CLIP2: variants seen among roughly 807,000 people sequenced by gnomAD.
CLIP2 encodes CAP-Gly domain containing linker protein 2, also known as CAP-Gly domain-containing linker protein 2.
Under a neutral mutation model 111.7 loss-of-function variants are expected in CLIP2, and 41 were observed. The observed-to-expected ratio is 0.37, with a 90% confidence interval of 0.29 to 0.48. The LOEUF is 0.48. Ranked by LOEUF, CLIP2 falls within the 20% of genes least tolerant of loss-of-function variation. The pLI is 0.99. For missense variants in CLIP2, 1,160 were observed against 1,422.1 expected, an observed-to-expected ratio of 0.82 and a Z score of 2.96; for synonymous variants, 660 against 644.2, an observed-to-expected ratio of 1.02 and a Z score of -0.37.
chr7:74,320,955 C>G (rs1199736030), intron 2 of CLIP2, among the ~76,000 whole-genome samples: 11 of 151,478 alleles, frequency 7.3e-5, no homozygotes, highest in African/African-American at 2.7e-4. Context: ...TGGCGTGCAG[C>G]GAGAGAGTCT....
chr7:74,342,139 G>A (rs1554305476), intron 3 of CLIP2, among the ~76,000 whole-genome samples: 1 of 152,150 alleles, frequency 6.6e-6, no homozygotes, highest in African/African-American at 2.4e-5. Context: ...ACTTTGGGAG[G>A]CTGAGGCAGG....
rs781898485 is a variant in CLIP2, at chr7:74,371,243, CAAAAAAA to C, written c.1381-1672_1381-1666del. On this transcript the variant is annotated intron_variant, in intron 8 of 16. Coordinates refer to ENST00000223398, the MANE Select transcript of CLIP2 (RefSeq NM_003388.5). ...TGGGTGAAAGAGGGAAACTATGCCT[CAAAAAAA>C]AAAAAAAAAAAAAAAAGGTTGAGGG... 1.4e-3 allele frequency among the ~76,000 whole-genome samples: 88 copies of C among 61,618 alleles called. 1 individual carries two copies. The highest frequency in any genetic ancestry group is 2.1e-3 in the Non-Finnish European group (73 of 35,076). The allele number at this position is 61,618 out of a possible 152,430, so 40.4% of individuals were successfully genotyped here.
At chr7:74,390,162 GAA>G (rs1791241530) in intron 13 of CLIP2, among the ~76,000 whole-genome samples, 1 of 84,918 alleles carries the variant, frequency 1.2e-5, no homozygotes, top group African/African-American at 4.3e-5. Flanking sequence ...AAGAAAGAAA[GAA>G]GAAAGAAAGA....
intron 13 of CLIP2, 88 bp from the exon 14 acceptor site, chr7:74,396,986 G>A (rs1791468010): frequency 1.3e-6 from 2 of 1,526,160 alleles, no homozygotes; most frequent in Admixed American, 1.8e-5. Context: ...CAGTTGGTCA[G>A]CCCCTGGACA....
At chr7:74,317,001 T>A (rs1369906035) in intron 1 of CLIP2, among the ~76,000 whole-genome samples, 1 of 152,228 alleles carries the variant, frequency 6.6e-6, no homozygotes, top group African/African-American at 2.4e-5. Flanking sequence ...AGCCTCAGCC[T>A]CCCAGAGTGC....
chr7:74,376,028 C>T lies in CLIP2; in HGVS notation c.1627C>T (p.Leu543=). The change falls in exon 10 of 17, where the codon CTG becomes TTG. Residue 543 remains leucine (L), a synonymous_variant. Transcript: ENST00000223398. The surrounding 1 kb of genome is among the most constrained non-coding windows in gnomAD (Gnocchi z 7.1). Reference sequence around the variant, plus strand: ...GGACCACCCAGACGCCGCCGAGATCCTGCGGCTACGGGAGCGGCTGCTCTC... The same window carrying T: ...GGACCACCCAGACGCCGCCGAGATCTTGCGGCTACGGGAGCGGCTGCTCTC... ...PPDHPDAAEI[L]RLRERLLSAS... 6.2e-7 allele frequency: 1 copy of T among 1,613,076 alleles called. No individual in the cohort carries two copies. The highest frequency in any genetic ancestry group is 1.1e-5 in the South Asian group (1 of 91,052).
intron 2 of CLIP2, among the ~76,000 whole-genome samples, chr7:74,325,319 GT>G (rs2116521876): frequency 6.6e-6 from 1 of 152,272 alleles, no homozygotes; most frequent in South Asian, 2.1e-4. Flanking sequence ...CAGGAGGGCG[GT>G]TTGGGATCCA....
At chr7:74,294,690 G>A (rs1788122133) in intron 1 of CLIP2, among the ~76,000 whole-genome samples, 1 of 152,182 alleles carries the variant, frequency 6.6e-6, no homozygotes, top group African/African-American at 2.4e-5. Context: ...TTTTGGGGGT[G>A]CTCCAGCCCC....
chr7:74,352,836 C>G (rs1288248606), intron 3 of CLIP2, among the ~76,000 whole-genome samples: 1 of 152,020 alleles, frequency 6.6e-6, no homozygotes, highest in Non-Finnish European at 1.5e-5. Flanking sequence ...TATCAAGACC[C>G]TGTGTCTACA....
chr7:74,380,651 C>T (rs530794232), intron 10 of CLIP2, 155 bp from the exon 11 acceptor site: 88 of 591,604 alleles, frequency 1.5e-4, no homozygotes, highest in African/African-American at 1.4e-3. Context: ...AGGACGTCTG[C>T]ACTCCCTGCC....
intron 1 of CLIP2, among the ~76,000 whole-genome samples, chr7:74,295,833 C>T (rs1788150456): frequency 6.6e-6 from 1 of 151,876 alleles, no homozygotes; most frequent in South Asian, 2.1e-4. Flanking sequence ...AGCCAGACTT[C>T]ATCTCTACAG....
At chr7:74,374,091 G>A (rs548000530) in intron 9 of CLIP2, among the ~76,000 whole-genome samples, 123 of 152,154 alleles carry the variant, frequency 8.1e-4, no homozygotes, top group African/African-American at 2.6e-3. Flanking sequence ...ACAGCCAGCC[G>A]GCCCCCCAGC....
At chr7:74,388,232 T>C (rs1413999952) in intron 12 of CLIP2, among the ~76,000 whole-genome samples, 1 of 152,010 alleles carries the variant, frequency 6.6e-6, no homozygotes, top group Admixed American at 6.6e-5. Context: ...CTCAGGAGGT[T>C]GAGGCAGGAG....
At chr7:74,361,209 C>CCTTCCTTCCTTCCT (rs1584360324) in intron 7 of CLIP2, among the ~76,000 whole-genome samples, 3 of 19,584 alleles carry the variant, frequency 1.5e-4, no homozygotes, top group African/African-American at 5.4e-4. Context: ...CCTTCCTTCC[C>CCTTCCTTCCTTCCT]TCCCTCCCTC....
At chr7:74,294,184 A>G (rs1470932344) in intron 1 of CLIP2, among the ~76,000 whole-genome samples, 1 of 152,128 alleles carries the variant, frequency 6.6e-6, no homozygotes, top group Non-Finnish European at 1.5e-5. Context: ...CCCAAAAGAT[A>G]AGGAGTTCAA....
chr7:74,331,286 G>A (rs1286189710), intron 2 of CLIP2, among the ~76,000 whole-genome samples: 7 of 150,300 alleles, frequency 4.7e-5, no homozygotes, highest in African/African-American at 1.5e-4. Flanking sequence ...AATTAGGAGT[G>A]ATTTCTTCCG....
intron 10 of CLIP2, among the ~76,000 whole-genome samples, chr7:74,377,414 G>T (rs1790824069): frequency 6.6e-6 from 1 of 152,188 alleles, no homozygotes; most frequent in Non-Finnish European, 1.5e-5. Flanking sequence ...TGTCAATTTT[G>T]CTCCAAATCT....
intron 2 of CLIP2, among the ~76,000 whole-genome samples, chr7:74,335,094 G>A (rs797038358): frequency 5.3e-5 from 8 of 151,976 alleles, no homozygotes; most frequent in East Asian, 1.9e-4. Context: ...AATCTGCAAG[G>A]TAAAAATATG....
intron 3 of CLIP2, among the ~76,000 whole-genome samples, chr7:74,342,236 T>C (rs530942597): frequency 2.2e-4 from 34 of 151,870 alleles, no homozygotes; most frequent in African/African-American, 8.0e-4. Context: ...ATTAGCCGGA[T>C]GTGGTGGCAC....
Sources: allele counts gnomAD v4.1 joint callset (sites outside exome capture counted in the v4.1 genomes callset), GRCh38; gene constraint gnomAD v4.1.1; non-coding constraint Gnocchi (gnomAD v3.1); transcripts MANE v1.5; gene names NCBI Gene and HGNC (gene_info 2026-07-23, HGNC 2026-07-21).